E2F7: variants seen among roughly 807,000 people sequenced by gnomAD.
E2F7 encodes transcription factor E2F7.
Under a neutral mutation model 81.1 loss-of-function variants are expected in E2F7, and 35 were observed. The ratio of observed to expected loss-of-function variants is 0.43; its 90% CI spans 0.33 to 0.57. E2F7 has a LOEUF of 0.57. Among genes scored for constraint, E2F7 ranks in the 20% least tolerant of loss-of-function variants. The pLI, the probability that E2F7 is intolerant of heterozygous loss-of-function variation, is 0.04. For missense variants in E2F7, 961 were observed against 1,093.7 expected, an observed-to-expected ratio of 0.88 and a Z score of 1.71; for synonymous variants, 416 against 416.2, an observed-to-expected ratio of 1.00 and a Z score of 0.01.
At chr12:77,047,725 A>G (rs541863593) in intron 4 of E2F7, among the ~76,000 whole-genome samples, 1 of 152,354 alleles carries the variant, frequency 6.6e-6, no homozygotes, top group African/African-American at 2.4e-5. Flanking sequence ...ACAGTAAATC[A>G]GAATATTTCA....
At chr12:77,031,972 G>A (rs560388285) in intron 9 of E2F7, among the ~76,000 whole-genome samples, 36 of 152,168 alleles carry the variant, frequency 2.4e-4, no homozygotes, top group Non-Finnish European at 4.4e-4. Flanking sequence ...CTCCACCAAT[G>A]ACATCACTAT....
intron 11 of E2F7, among the ~76,000 whole-genome samples, chr12:77,027,124 T>A (rs556504703): frequency 6.6e-6 from 1 of 152,346 alleles, no homozygotes; most frequent in South Asian, 2.1e-4. Flanking sequence ...GATAAGTGAA[T>A]AATCATAAAT....
In E2F7 at chr12:77,025,767, G is replaced by C. The variant is rs1954752854; in HGVS notation, c.2356C>G (p.Pro786Ala). 1 of 1,614,006 alleles carries C rather than the reference G, an allele frequency of 6.2e-7. No homozygotes were observed. Among genetic ancestry groups the C allele is most frequent in the South Asian group, 1.1e-5 (1 of 91,080 alleles). ...AGCTGGGCTATTGATCCAAGGCCAG[G>C]CAAGCTGAAATTCACAGGTCCTGTG... ...PNTGPVNFSL[P>A]GLGSIAQLLV... The change falls in exon 12 of 13, where the codon CCT (proline) becomes GCT (alanine). Residue 786 changes from proline to alanine, a missense_variant. Physicochemically the swap from Pro to Ala is conservative, Grantham distance 27. Coordinates refer to ENST00000322886, the MANE Select transcript of E2F7 (RefSeq NM_203394.3).
chr12:77,027,000 A>G (rs538169129), intron 11 of E2F7, among the ~76,000 whole-genome samples: 16 of 152,314 alleles, frequency 1.1e-4, no homozygotes, highest in Middle Eastern at 3.4e-3. Flanking sequence ...GCTGGGCTGT[A>G]ATTTTCATTC....
At chr12:77,045,954 CT>C (rs1385764025) in intron 5 of E2F7, 83 bp downstream of exon 5, 1 of 1,524,446 alleles carries the variant, frequency 6.6e-7, no homozygotes, top group African/African-American at 1.4e-5. Flanking sequence ...CAACCTGGCA[CT>C]TCCCATCTGA....
At chr12:77,054,161 C>G (rs925205399) in intron 3 of E2F7, among the ~76,000 whole-genome samples, 24 of 151,852 alleles carry the variant, frequency 1.6e-4, no homozygotes, top group African/African-American at 5.8e-4. Flanking sequence ...TATCTGTACA[C>G]CAAACACTCG....
intron 7 of E2F7, among the ~76,000 whole-genome samples, chr12:77,034,347 C>T (rs1281792834): frequency 2.6e-5 from 4 of 152,158 alleles, no homozygotes; most frequent in Non-Finnish European, 2.9e-5. Flanking sequence ...ATGAGCCTCA[C>T]ATTTTAGATG....
chr12:77,024,168 G>C lies in E2F7; in HGVS notation c.2583C>G (p.Thr861=), dbSNP rs758093298. Reference sequence around the variant, plus strand: ...GATGTGTGCGTTGGATGCTCTTGGGGGTCACTGGAACTGGTGACTGAAAAA... The same window carrying C: ...GATGTGTGCGTTGGATGCTCTTGGGCGTCACTGGAACTGGTGACTGAAAAA... The part of the protein sequence containing the change: ...VKLHQSPVPV[T]PKSIQRTHRE... Residue 861 remains threonine, a synonymous_variant, in exon 13 of 13, where the codon ACC becomes ACG. Coordinates refer to ENST00000322886, the MANE Select transcript of E2F7 (RefSeq NM_203394.3). 24 of 1,613,660 alleles carry C rather than the reference G, an allele frequency of 1.5e-5. 1 individual carries two copies. The highest frequency in any genetic ancestry group is 3.3e-4 in the Middle Eastern group (2 of 6,058).
chr12:77,063,065 C>T (rs909022790), intron 2 of E2F7, among the ~76,000 whole-genome samples: 1 of 152,154 alleles, frequency 6.6e-6, no homozygotes, highest in African/African-American at 2.4e-5. Flanking sequence ...CTCCGTCCTG[C>T]TTCGGATGTG....
Position 77,065,390 on chromosome 12 carries a change from G to C in E2F7, c.-46C>G, listed in dbSNP as rs1955112044. The C allele has an allele frequency of 6.6e-6, 1 of 152,312 alleles. No homozygotes were observed. Among genetic ancestry groups the C allele is most frequent in the African/African-American group, 2.4e-5 (1 of 41,462 alleles). 9.4% of individuals were successfully genotyped at this position (152,312 alleles called of 1,614,324 possible). A position where few individuals can be genotyped will look rare whatever the true frequency, so the allele number is the denominator to read the frequency against. On this transcript the variant is annotated 5_prime_UTR_variant, in exon 1 of 13. Transcript: ENST00000322886. The stretch of plus-strand genomic sequence containing the variant: ...TTCCTGCCTCTGCAGGGACCTCCAC[G>C]GACCCAAGCCGATGAGGGAAGGTGG...
At chr12:77,042,492 C>A (rs930964186) in intron 7 of E2F7, among the ~76,000 whole-genome samples, 1 of 152,026 alleles carries the variant, frequency 6.6e-6, no homozygotes, top group African/African-American at 2.4e-5. Flanking sequence ...TCATATATTA[C>A]CCATGAAATA....
Position 77,024,266 on chromosome 12 carries a change from C to G in E2F7, c.2566-81G>C, listed in dbSNP as rs1378940013. On this transcript the variant is annotated intron_variant, in intron 12 of 12. Transcript: ENST00000322886. ...AGTAGAAAGGCAGCCCTTTCTTGAC[C>G]TGTGTGTTAGGATCCCAAGGCAGGC... 2.0e-6 allele frequency: 3 copies of G among 1,468,172 alleles called. No homozygotes were observed. In the African/African-American group the frequency reaches 4.3e-5, roughly 21 times the overall value. 90.9% of individuals were successfully genotyped at this position (1,468,172 alleles called of 1,614,324 possible).
intron 7 of E2F7, 134 bp downstream of exon 7, chr12:77,042,931 G>T: frequency 1.5e-6 from 2 of 1,375,118 alleles, no homozygotes; most frequent in Non-Finnish European, 2.0e-6. Flanking sequence ...ACTGTTCCAA[G>T]AGTGGAGTCA....
At chr12:77,027,353 T>C (rs1422050912) in intron 11 of E2F7, among the ~76,000 whole-genome samples, 1 of 152,248 alleles carries the variant, frequency 6.6e-6, no homozygotes, top group Non-Finnish European at 1.5e-5. Flanking sequence ...TGTATTATCT[T>C]ATTAAATTTA....
chr12:77,026,095 G>T, intron 11 of E2F7, 113 bp from the exon 12 acceptor site: 1 of 1,256,812 alleles, frequency 8.0e-7, no homozygotes, highest in Non-Finnish European at 1.1e-6. Flanking sequence ...ATCAATGAAT[G>T]ATGAGACCTT....
intron 3 of E2F7, among the ~76,000 whole-genome samples, chr12:77,052,941 A>G (rs1417348576): frequency 6.6e-6 from 1 of 152,154 alleles, no homozygotes; most frequent in Admixed American, 6.6e-5. Context: ...AATCAAAGAA[A>G]AGCAAATGTA....
intron 2 of E2F7, among the ~76,000 whole-genome samples, chr12:77,057,974 T>C (rs1182498687): frequency 5.3e-5 from 8 of 152,142 alleles, no homozygotes; most frequent in African/African-American, 1.9e-4. Flanking sequence ...AGGTAAAATA[T>C]TGGGAGAAAC....
In E2F7 at chr12:77,023,918, A is replaced by C. The variant is rs779791147; in HGVS notation, c.*97T>G. ...CAGAAGTGTGGATGAAAGAGAGAGGAAGGACCCGTGCTCAGGACGGGATGG... is the reference window on the plus strand; with the variant it reads ...CAGAAGTGTGGATGAAAGAGAGAGGCAGGACCCGTGCTCAGGACGGGATGG... On this transcript the variant is annotated 3_prime_UTR_variant, in exon 13 of 13. Transcript: ENST00000322886. 4.3e-6 allele frequency: 6 copies of C among 1,409,780 alleles called. No homozygotes were observed. Among genetic ancestry groups the C allele is most frequent in the Non-Finnish European group, 5.8e-6 (6 of 1,038,662 alleles). The allele number at this position is 1,409,780 out of a possible 1,614,324, so 87.3% of individuals were successfully genotyped here. A position where few individuals can be genotyped will look rare whatever the true frequency, so the allele number is the denominator to read the frequency against.
chr12:77,035,306 C>A (rs1233680820), intron 7 of E2F7, among the ~76,000 whole-genome samples: 3 of 152,090 alleles, frequency 2.0e-5, no homozygotes. Flanking sequence ...TGGGGATTTG[C>A]AAAGGTCCAA....
Sources: allele counts gnomAD v4.1 joint callset (sites outside exome capture counted in the v4.1 genomes callset), GRCh38; gene constraint gnomAD v4.1.1; transcripts MANE v1.5; gene names NCBI Gene and HGNC (gene_info 2026-07-23, HGNC 2026-07-21).